The following FIGNL2 variants were observed in gnomAD, a reference collection of about 807,000 sequenced individuals.
The protein encoded by FIGNL2 is fidgetin-like protein 2.
For synonymous variants in FIGNL2, 565 were observed against 484.0 expected (o/e 1.17, Z -2.20); for missense variants, 1,060 against 950.2 (o/e 1.12, Z -1.52).
chr12:51,821,407 G>T lies in FIGNL2; in HGVS notation c.1007C>A (p.Pro336His). 6.5e-7 allele frequency: 1 copy of T among 1,530,862 alleles called. No homozygotes were observed. The highest frequency in any genetic ancestry group is 2.5e-5 in the East Asian group (1 of 39,236). 94.8% of individuals were successfully genotyped at this position (1,530,862 alleles called of 1,614,324 possible). ...GGGCTCCAGTTGCGGGCCGTAGACG[G>T]GGGAGCCCAGGACCTTGAGGGGGAC... is the stretch of plus-strand genomic sequence containing the variant. ...GGVPLKVLGS[P>H]VYGPQLEPFE... The change falls in exon 2 of 2, where the codon CCC (proline) becomes CAC (histidine). Residue 336 changes from proline (P) to histidine (H), a missense_variant. By Grantham distance (77) the Pro-to-His change is moderately conservative. Coordinates refer to ENST00000618634, the MANE Select transcript of FIGNL2 (RefSeq NM_001384995.1).
rs1939144180 is a variant in FIGNL2, at chr12:51,820,375, T to G, written c.*77A>C. The G allele has an allele frequency of 6.6e-7, 1 of 1,525,536 alleles. No individual in the cohort carries two copies. The highest frequency in any genetic ancestry group is 1.2e-5 in the South Asian group (1 of 82,992). 94.5% of individuals were successfully genotyped at this position (1,525,536 alleles called of 1,614,324 possible). On this transcript the variant is annotated 3_prime_UTR_variant, in exon 2 of 2. Transcript: ENST00000618634. ...CACTCCAGCCCCTGCCAGCCGGGTT[T>G]AGTCAGTGACATCCCTCCCACGCGG...
intron 1 of FIGNL2, among the ~76,000 whole-genome samples, chr12:51,834,012 A>G (rs76617177): frequency 0.028 from 463 of 16,260 alleles, 1 homozygote; most frequent in Non-Finnish European, 0.14. Context: ...TGGACAGACA[A>G]ATGGACGGAT....
chr12:51,821,596 C>T lies in FIGNL2; in HGVS notation c.818G>A (p.Gly273Glu). 2.7e-6 allele frequency: 4 copies of T among 1,507,868 alleles called. No individual in the cohort carries two copies. The highest frequency in any genetic ancestry group is 1.8e-6 in the Non-Finnish European group (2 of 1,134,318). The allele number at this position is 1,507,868 out of a possible 1,614,324, so 93.4% of individuals were successfully genotyped here. A position where few individuals can be genotyped will look rare whatever the true frequency, so the allele number is the denominator to read the frequency against. The change falls in exon 2 of 2, where the codon GGG becomes GAG. Residue 273 changes from glycine (G) to glutamate (E), a missense_variant. Coordinates refer to ENST00000618634, the MANE Select transcript of FIGNL2 (RefSeq NM_001384995.1). ...LSLKRKAADEGPEGRYRKYAY... is the reference protein window; with the variant it reads ...LSLKRKAADEEPEGRYRKYAY... The stretch of plus-strand genomic sequence containing the variant: ...GTACTTGCGGTAGCGGCCCTCGGGC[C>T]CCTCGTCGGCGGCCTTGCGCTTCAG...
In FIGNL2 at chr12:51,821,194, T is replaced by A; in HGVS notation, c.1220A>T (p.Glu407Val). The A allele has an allele frequency of 2.0e-6, 3 of 1,516,322 alleles. No homozygotes were observed. Among genetic ancestry groups the A allele is most frequent in the Non-Finnish European group, 1.8e-6 (2 of 1,139,398 alleles). 93.9% of individuals were successfully genotyped at this position (1,516,322 alleles called of 1,614,324 possible). The change falls in exon 2 of 2, where the codon GAG becomes GTG. Residue 407 changes from glutamate (E) to valine (V), a missense_variant. Transcript: ENST00000618634. Reference protein sequence around the residue: ...QGALKAALEEELVWPLLRPPA... With the variant: ...QGALKAALEEVLVWPLLRPPA... ...CGGCCTGAGCAGGGGCCACACCAGCTCCTCCTCCAGCGCCGCCTTGAGCGC... is the reference window on the plus strand; with the variant it reads ...CGGCCTGAGCAGGGGCCACACCAGCACCTCCTCCAGCGCCGCCTTGAGCGC...
chr12:51,837,463 G>A (rs999704231), intron 1 of FIGNL2, among the ~76,000 whole-genome samples: 5 of 152,282 alleles, frequency 3.3e-5, no homozygotes, highest in African/African-American at 9.6e-5. Context: ...GGATGGGCTG[G>A]GGGGCTGCCT....
Position 51,848,632 on chromosome 12 carries a change from A to C in FIGNL2, c.-104T>G, listed in dbSNP as rs1239863957. On this transcript the variant is annotated 5_prime_UTR_variant, in exon 1 of 2. Coordinates refer to ENST00000618634, the MANE Select transcript of FIGNL2 (RefSeq NM_001384995.1). ...GGCGGCGGCGCGGGCCGGGGGCGAC[A>C]GGCCTGGGCTGGGGGGCAGTGGCGC... is the stretch of plus-strand genomic sequence containing the variant. 5.6e-6 allele frequency: 4 copies of C among 713,766 alleles called. No individual in the cohort carries two copies. Among genetic ancestry groups the C allele is most frequent in the Admixed American group, 1.3e-4 (2 of 15,850 alleles). The allele number at this position is 713,766 out of a possible 1,614,324, so 44.2% of individuals were successfully genotyped here. A position where few individuals can be genotyped will look rare whatever the true frequency, so the allele number is the denominator to read the frequency against.
rs574925801 is a variant in FIGNL2, at chr12:51,825,742, G to C, written c.-11-3318C>G. The C allele has an allele frequency of 3.3e-5, 5 of 150,828 alleles. No homozygotes were observed. In the East Asian group the frequency reaches 9.8e-4, roughly 29 times the overall value. 9.3% of individuals were successfully genotyped at this position (150,828 alleles called of 1,614,324 possible). On this transcript the variant is annotated intron_variant, in intron 1 of 1. Coordinates refer to ENST00000618634, the MANE Select transcript of FIGNL2 (RefSeq NM_001384995.1). ...CGCCATTCTCCTGCCTCAGCCTCCC[G>C]AGTAGCTGGGACTACAGGCGCCCGC... is the stretch of plus-strand genomic sequence containing the variant.
chr12:51,843,212 T>C (rs1271072275), intron 1 of FIGNL2, among the ~76,000 whole-genome samples: 1 of 152,304 alleles, frequency 6.6e-6, no homozygotes, highest in East Asian at 1.9e-4. Context: ...TGCACAGTAC[T>C]GGACACAGTG....
In FIGNL2 at chr12:51,821,930, A is replaced by T; in HGVS notation, c.484T>A (p.Tyr162Asn). ...PSAAPEYAAG[Y>N]GGGYLAPGYC... ...CCCGGCGCCAGGTACCCCCCGCCGT[A>T]GCCGGCCGCGTACTCGGGCGCCGCC... The change falls in exon 2 of 2, where the codon TAC becomes AAC. Residue 162 changes from tyrosine to asparagine, a missense_variant. Physicochemically the swap from Tyr to Asn is moderately radical, Grantham distance 143. Transcript: ENST00000618634. 2.0e-6 allele frequency: 3 copies of T among 1,495,096 alleles called. No homozygotes were observed. The highest frequency in any genetic ancestry group is 2.7e-6 in the Non-Finnish European group (3 of 1,121,990). 92.6% of individuals were successfully genotyped at this position (1,495,096 alleles called of 1,614,324 possible).
At position 51,820,013 on chromosome 12, in the gene FIGNL2, G is replaced by C. The variant is rs747539884; in HGVS notation, c.*439C>G. ...AGGAGAGAAACAGGGCCAGCATGGG[G>C]TGGGCAGGGGTGTCAGCGACAAAGC... On this transcript the variant is annotated 3_prime_UTR_variant, in exon 2 of 2. Transcript: ENST00000618634. The C allele has an allele frequency of 5.3e-6, 1 of 188,992 alleles. No homozygotes were observed. Among genetic ancestry groups the C allele is most frequent in the Non-Finnish European group, 1.1e-5 (1 of 91,460 alleles). 11.7% of individuals were successfully genotyped at this position (188,992 alleles called of 1,614,324 possible). A position where few individuals can be genotyped will look rare whatever the true frequency, so the allele number is the denominator to read the frequency against.
chr12:51,818,331 G>A lies in FIGNL2; in HGVS notation c.*2121C>T, dbSNP rs1939088674. 1 of 152,256 alleles carries A rather than the reference G, an allele frequency of 6.6e-6. No individual in the cohort carries two copies. Among genetic ancestry groups the A allele is most frequent in the Admixed American group, 6.5e-5 (1 of 15,280 alleles). The allele number at this position is 152,256 out of a possible 1,614,324, so 9.4% of individuals were successfully genotyped here. ...CTCCCAGAGCTCCCTGCCTCTTGAA[G>A]GGAAGGCTGGGATCCCACCCCAACT... On this transcript the variant is annotated 3_prime_UTR_variant, in exon 2 of 2. Coordinates refer to ENST00000618634, the MANE Select transcript of FIGNL2 (RefSeq NM_001384995.1).
chr12:51,821,048 G>A lies in FIGNL2; in HGVS notation c.1366C>T (p.Leu456=), dbSNP rs1478990391. 41 of 1,209,076 alleles carry A rather than the reference G, an allele frequency of 3.4e-5. No individual in the cohort carries two copies. The highest frequency in any genetic ancestry group is 4.1e-5 in the Non-Finnish European group (40 of 975,176). 74.9% of individuals were successfully genotyped at this position (1,209,076 alleles called of 1,614,324 possible). The stretch of plus-strand genomic sequence containing the variant: ...GGCGCAGCCAGGGTCGCGCCGCGCA[G>A]GCGCAACAGCGTGGCGCCCAGCTGC... The part of the protein sequence containing the change: ...ATQLGATLLR[L]RGATLAAPGA... The change falls in exon 2 of 2, where the codon CTG becomes TTG. Residue 456 remains leucine (L), a synonymous_variant. Coordinates refer to ENST00000618634, the MANE Select transcript of FIGNL2 (RefSeq NM_001384995.1).
intron 1 of FIGNL2, chr12:51,845,448 T>C: frequency 1.1e-6 from 1 of 947,702 alleles, no homozygotes; most frequent in Non-Finnish European, 1.2e-6. Flanking sequence ...ACTTGACCTC[T>C]TGTGGCTCAC....
At chr12:51,824,207 C>G (rs911985855) in intron 1 of FIGNL2, 2 of 152,254 alleles carry the variant, frequency 1.3e-5, no homozygotes, top group African/African-American at 4.8e-5. Context: ...GGACAACCTA[C>G]ATAACCATCC....
chr12:51,820,783 G>C lies in FIGNL2; in HGVS notation c.1631C>G (p.Ala544Gly). The C allele has an allele frequency of 6.8e-7, 1 of 1,479,678 alleles. No individual in the cohort carries two copies. Among genetic ancestry groups the C allele is most frequent in the Non-Finnish European group, 8.9e-7 (1 of 1,123,824 alleles). The allele number at this position is 1,479,678 out of a possible 1,614,324, so 91.7% of individuals were successfully genotyped here. A position where few individuals can be genotyped will look rare whatever the true frequency, so the allele number is the denominator to read the frequency against. ...GCGGAGAGAGAAGCGCCGGCGGGTC[G>C]CCTCGTCCAGAGCCGCGGGCCGCGA... Reference protein sequence around the residue: ...TTSRPAALDEATRRRFSLRFY... With the variant: ...TTSRPAALDEGTRRRFSLRFY... The change falls in exon 2 of 2, where the codon GCG becomes GGG. Residue 544 changes from alanine to glycine, a missense_variant. Ala to Gly is a moderately conservative substitution (Grantham distance 60). Transcript: ENST00000618634.
At chr12:51,823,653 T>C (rs1219796946) in intron 1 of FIGNL2, 1 of 152,086 alleles carries the variant, frequency 6.6e-6, no homozygotes, top group Non-Finnish European at 1.5e-5. Flanking sequence ...TCTCAAAGAC[T>C]AAGAGGCCCA....
chr12:51,821,522 C>T lies in FIGNL2; in HGVS notation c.892G>A (p.Ala298Thr). 1.9e-6 allele frequency: 3 copies of T among 1,569,234 alleles called. No homozygotes were observed. Among genetic ancestry groups the T allele is most frequent in the Non-Finnish European group, 1.7e-6 (2 of 1,166,490 alleles). The change falls in exon 2 of 2, where the codon GCC (alanine) becomes ACC (threonine). Residue 298 changes from alanine to threonine, a missense_variant. Physicochemically the swap from Ala to Thr is moderately conservative, Grantham distance 58. Transcript: ENST00000618634. ...APVADGASYPAADNGECRGNG... is the reference protein window; with the variant it reads ...APVADGASYPTADNGECRGNG... ...CCCCGACATTCGCCGTTGTCCGCGG[C>T]GGGGTAGGAGGCTCCGTCAGCCACG... is the stretch of plus-strand genomic sequence containing the variant.
intron 1 of FIGNL2, among the ~76,000 whole-genome samples, chr12:51,835,801 A>ACTT (rs1939569539): frequency 7.6e-6 from 1 of 131,584 alleles, no homozygotes; most frequent in African/African-American, 2.7e-5. Context: ...GCGGATCTAG[A>ACTT]CTTCTTTTTT....
intron 1 of FIGNL2, among the ~76,000 whole-genome samples, chr12:51,830,171 C>G (rs1039613946): frequency 8.0e-5 from 12 of 150,136 alleles, no homozygotes; most frequent in Non-Finnish European, 1.2e-4. Flanking sequence ...TGCCTGTAAT[C>G]CCAGCTACTT....
Sources: gnomAD v4.1 joint callset for allele counts (sites outside exome capture counted in the v4.1 genomes callset) on GRCh38, gnomAD v4.1.1 for gene constraint, MANE v1.5 for transcripts, NCBI Gene and HGNC (gene_info 2026-07-23, HGNC 2026-07-21) for gene names.